Variants in PPP6R3 observed in about 807,000 individuals in gnomAD.
PPP6R3 encodes the protein serine/threonine-protein phosphatase 6 regulatory subunit 3.
PPP6R3 carries 38 observed loss-of-function variants against 110.7 expected under a neutral mutation model. The observed-to-expected ratio is 0.34, with a 90% confidence interval of 0.26 to 0.45. The LOEUF is 0.45. Ranked by LOEUF, PPP6R3 falls within the 20% of genes least tolerant of loss-of-function variation. The probability of loss-of-function intolerance (pLI) is 1.00; values close to 1 mark genes in which losing one functional copy is unlikely to be tolerated. For missense variants in PPP6R3, 870 were observed against 1,062.4 expected, an observed-to-expected ratio of 0.82 and a Z score of 2.52; for synonymous variants, 369 against 373.5, an observed-to-expected ratio of 0.99 and a Z score of 0.14.
intron 1 of PPP6R3, among the ~76,000 whole-genome samples, chr11:68,466,943 T>TCAC (rs1350288126): frequency 6.7e-6 from 1 of 150,032 alleles, no homozygotes; most frequent in Non-Finnish European, 1.5e-5. Flanking sequence ...AGACGGGGTT[T>TCAC]CACCGTGTTA....
At chr11:68,581,017 C>T (rs889639206) in intron 14 of PPP6R3, among the ~76,000 whole-genome samples, 82 of 151,954 alleles carry the variant, frequency 5.4e-4, no homozygotes, top group Admixed American at 3.0e-3. Flanking sequence ...GTGATCCGCC[C>T]GCCTCGGCCT....
At position 68,479,005 on chromosome 11, in the gene PPP6R3, A is replaced by T. The variant is rs187576691; in HGVS notation, c.-158+18178A>T. 3.6e-3 allele frequency among the ~76,000 whole-genome samples: 546 copies of T among 152,310 alleles called. 3 individuals are homozygous for T. The highest frequency in any genetic ancestry group is 0.012 in the African/African-American group (512 of 41,552). On this transcript the variant is annotated intron_variant, in intron 1 of 23. Coordinates refer to ENST00000393800, the MANE Select transcript of PPP6R3 (RefSeq NM_001164161.2). ...ATTTTCATATATGAAAGAAGTGTGT[A>T]TACATTGAACCATCAGAAAGCAAAG...
At chr11:68,482,441 C>T (rs1315574678) in intron 1 of PPP6R3, among the ~76,000 whole-genome samples, 5 of 151,620 alleles carry the variant, frequency 3.3e-5, no homozygotes. Context: ...CCTCTCTTTC[C>T]CATAGAAAAT....
intron 1 of PPP6R3, among the ~76,000 whole-genome samples, chr11:68,485,960 A>G (rs909389899): frequency 1.3e-5 from 2 of 151,692 alleles, no homozygotes; most frequent in African/African-American, 4.8e-5. Context: ...ACTTGAGGCC[A>G]GGAGTTTGAG....
intron 1 of PPP6R3, among the ~76,000 whole-genome samples, chr11:68,503,487 C>T (rs1400296214): frequency 6.6e-6 from 1 of 152,174 alleles, no homozygotes; most frequent in Non-Finnish European, 1.5e-5. Context: ...AGCAGCCCTC[C>T]AACTAGGGAG....
chr11:68,467,864 T>C (rs1408803508), intron 1 of PPP6R3, among the ~76,000 whole-genome samples: 2 of 152,212 alleles, frequency 1.3e-5, no homozygotes, highest in Non-Finnish European at 2.9e-5. Flanking sequence ...AACCTCCGCC[T>C]TACAGGTTGA....
intron 22 of PPP6R3, among the ~76,000 whole-genome samples, chr11:68,603,916 A>G (rs892046073): frequency 6.6e-6 from 1 of 152,238 alleles, no homozygotes; most frequent in Non-Finnish European, 1.5e-5. Flanking sequence ...TTCAGTAGCA[A>G]AATGATAGCT....
intron 1 of PPP6R3, among the ~76,000 whole-genome samples, chr11:68,490,763 G>A (rs776966943): frequency 6.6e-6 from 1 of 151,682 alleles, no homozygotes; most frequent in Non-Finnish European, 1.5e-5. Flanking sequence ...CTTCATTTCT[G>A]TTACAGTGTC....
intron 3 of PPP6R3, among the ~76,000 whole-genome samples, chr11:68,540,076 G>A (rs1201323766): frequency 6.6e-6 from 1 of 152,196 alleles, no homozygotes; most frequent in African/African-American, 2.4e-5. Flanking sequence ...TGGAGTGAAG[G>A]TGGAGCACCT....
chr11:68,602,871 G>A (rs917217891), intron 21 of PPP6R3, among the ~76,000 whole-genome samples: 1 of 152,174 alleles, frequency 6.6e-6, no homozygotes, highest in African/African-American at 2.4e-5. Flanking sequence ...ACCTCAGCCA[G>A]GCTCATCACC....
intron 1 of PPP6R3, among the ~76,000 whole-genome samples, chr11:68,504,171 A>G (rs1398338823): frequency 6.6e-6 from 1 of 152,226 alleles, no homozygotes; most frequent in Non-Finnish European, 1.5e-5. Context: ...AAACAAAGGA[A>G]TGTCTATATC....
At chr11:68,610,105 G>T in intron 23 of PPP6R3, 82 bp downstream of exon 23, 2 of 1,555,812 alleles carry the variant, frequency 1.3e-6, no homozygotes, top group East Asian at 2.3e-5. Flanking sequence ...GGGGACTATA[G>T]GGATCGTTTA....
chr11:68,515,692 T>G (rs1319946256), intron 1 of PPP6R3, among the ~76,000 whole-genome samples: 1 of 152,156 alleles, frequency 6.6e-6, no homozygotes, highest in East Asian at 1.9e-4. Context: ...GCACGTGGTG[T>G]CTCATAAGGA....
At chr11:68,572,355 G>C (rs968299407) in intron 12 of PPP6R3, among the ~76,000 whole-genome samples, 3 of 152,146 alleles carry the variant, frequency 2.0e-5, no homozygotes, top group Admixed American at 6.5e-5. Flanking sequence ...CTGTCTAGGG[G>C]GATCCCGAAA....
At chr11:68,499,129 T>G (rs1319354104) in intron 1 of PPP6R3, among the ~76,000 whole-genome samples, 1 of 152,198 alleles carries the variant, frequency 6.6e-6, no homozygotes, top group Non-Finnish European at 1.5e-5. Context: ...TTTTTTCTGT[T>G]TTTATTACCT....
chr11:68,561,244 G>T (rs2099418548), intron 8 of PPP6R3, among the ~76,000 whole-genome samples: 1 of 152,100 alleles, frequency 6.6e-6, no homozygotes, highest in Non-Finnish European at 1.5e-5. Context: ...ATTTTAAATA[G>T]TATTATTTTT....
At chr11:68,493,051 G>A (rs1180350529) in intron 1 of PPP6R3, among the ~76,000 whole-genome samples, 1 of 152,036 alleles carries the variant, frequency 6.6e-6, no homozygotes, top group Non-Finnish European at 1.5e-5. Flanking sequence ...TGCTAATGAT[G>A]CTCATACCTA....
intron 1 of PPP6R3, 30 bp downstream of exon 1, chr11:68,460,857 G>C (rs1173161290): frequency 6.6e-6 from 1 of 152,384 alleles, no homozygotes; most frequent in Non-Finnish European, 1.5e-5. Flanking sequence ...CGCCGGAGCA[G>C]GCCGCGGCGC....
rs190126941 is a variant in PPP6R3, at chr11:68,486,669, G to C, written c.-158+25842G>C. Among the ~76,000 whole-genome samples, 27 of 149,830 alleles carry C rather than the reference G, an allele frequency of 1.8e-4. No homozygotes were observed. In the East Asian group the frequency reaches 3.1e-3, roughly 17 times the overall value. On this transcript the variant is annotated intron_variant, in intron 1 of 23. Coordinates refer to ENST00000393800, the MANE Select transcript of PPP6R3 (RefSeq NM_001164161.2). ...TCTATTTTCTGGAAGCAATTTTAGA[G>C]AATTGGTATTATTTTTTCCTTAAAT... is the stretch of plus-strand genomic sequence containing the variant.
Sources: gnomAD v4.1 joint callset for allele counts (sites outside exome capture counted in the v4.1 genomes callset) on GRCh38, gnomAD v4.1.1 for gene constraint, MANE v1.5 for transcripts, NCBI Gene and HGNC (gene_info 2026-07-23, HGNC 2026-07-21) for gene names.